The following ERBB4 variants were observed in gnomAD, a reference collection of about 807,000 sequenced individuals.
ERBB4 encodes receptor tyrosine-protein kinase erbB-4.
Under a neutral mutation model 158.0 loss-of-function variants are expected in ERBB4, and 42 were observed. The ratio of observed to expected loss-of-function variants is 0.27; its 90% CI spans 0.21 to 0.34. The LOEUF is 0.34. Ranked by LOEUF, ERBB4 falls within the 10% of genes least tolerant of loss-of-function variation. ERBB4 has a pLI of 1.00. For missense variants in ERBB4, 1,333 were observed against 1,624.1 expected (o/e 0.82, Z 3.08); for synonymous variants, 583 against 558.7 (o/e 1.04, Z -0.61).
chr2:212,460,900 G>A (rs148367107), intron 1 of ERBB4, among the ~76,000 whole-genome samples: 1,746 of 152,274 alleles, frequency 0.011, 34 homozygotes, highest in African/African-American at 0.04. Context: ...AGGCCCAGAG[G>A]CCTAAGAGGA....
intron 1 of ERBB4, among the ~76,000 whole-genome samples, chr2:212,258,104 T>G (rs1050432421): frequency 6.6e-6 from 1 of 152,142 alleles, no homozygotes; most frequent in Non-Finnish European, 1.5e-5. Flanking sequence ...AATGTCAGTT[T>G]CAACATAATT....
intron 17 of ERBB4, among the ~76,000 whole-genome samples, chr2:211,626,426 TC>T (rs1276178104): frequency 6.6e-6 from 1 of 152,180 alleles, no homozygotes; most frequent in African/African-American, 2.4e-5. Context: ...CAACAAATGT[TC>T]ACTTCTGAGG....
At chr2:212,483,628 A>G (rs1446227042) in intron 1 of ERBB4, among the ~76,000 whole-genome samples, 3 of 152,224 alleles carry the variant, frequency 2.0e-5, no homozygotes, top group Non-Finnish European at 2.9e-5. Flanking sequence ...TCTAAAGAGA[A>G]TATCTTGATT....
At chr2:212,490,334 C>G (rs1188734910) in intron 1 of ERBB4, among the ~76,000 whole-genome samples, 2 of 151,820 alleles carry the variant, frequency 1.3e-5, no homozygotes, top group Non-Finnish European at 3.0e-5. Context: ...GATCAAATAA[C>G]TGTTTGACAG....
chr2:211,944,434 T>C (rs982930672), intron 3 of ERBB4, among the ~76,000 whole-genome samples: 3 of 151,788 alleles, frequency 2.0e-5, no homozygotes, highest in Non-Finnish European at 4.4e-5. Flanking sequence ...AAAATGATTA[T>C]AGAAAAACTT....
intron 4 of ERBB4, among the ~76,000 whole-genome samples, chr2:211,752,876 G>A (rs2075175214): frequency 6.6e-6 from 1 of 151,946 alleles, no homozygotes; most frequent in South Asian, 2.1e-4. Context: ...AGATTTTGTT[G>A]GTAGTTTCCA....
intron 1 of ERBB4, among the ~76,000 whole-genome samples, chr2:212,265,492 AGAGT>A (rs2085100199): frequency 6.6e-6 from 1 of 152,098 alleles, no homozygotes; most frequent in African/African-American, 2.4e-5. Context: ...ACTGCCAGAT[AGAGT>A]AAGAGAGAAG....
At chr2:212,258,529 G>A (rs1521635) in intron 1 of ERBB4, among the ~76,000 whole-genome samples, 7,731 of 150,296 alleles carry the variant, frequency 0.051, 247 homozygotes, top group African/African-American at 0.096. Context: ...AAAATATATT[G>A]GTAATAAAAG....
chr2:211,576,189 T>A lies in ERBB4; in HGVS notation c.2302-14101A>T, dbSNP rs185684677. ...AAACCCTGAAAGAAAATATATGGTGTCACAAAAGACTCTTACTGCTAGTGC... is the reference window on the plus strand; with the variant it reads ...AAACCCTGAAAGAAAATATATGGTGACACAAAAGACTCTTACTGCTAGTGC... On this transcript the variant is annotated intron_variant, in intron 19 of 27. Coordinates refer to ENST00000342788, the MANE Select transcript of ERBB4 (RefSeq NM_005235.3). Among the ~76,000 whole-genome samples, 23 of 152,238 alleles carry A rather than the reference T, an allele frequency of 1.5e-4. No individual in the cohort carries two copies. The East Asian group carries it at 4.4e-3, about 29-fold the overall frequency.
chr2:212,357,414 G>A (rs963398022), intron 1 of ERBB4, among the ~76,000 whole-genome samples: 2 of 151,730 alleles, frequency 1.3e-5, no homozygotes, highest in Non-Finnish European at 2.9e-5. Flanking sequence ...AAATAGATTC[G>A]AAGTATAAGC....
At chr2:211,995,694 G>A (rs1249637415) in intron 2 of ERBB4, among the ~76,000 whole-genome samples, 1 of 152,002 alleles carries the variant, frequency 6.6e-6, no homozygotes, top group Non-Finnish European at 1.5e-5. Flanking sequence ...TGTATCTCAG[G>A]TACAACATCT....
intron 5 of ERBB4, among the ~76,000 whole-genome samples, chr2:211,748,912 G>A (rs948109498): frequency 2.6e-5 from 4 of 152,176 alleles, no homozygotes; most frequent in Non-Finnish European, 5.9e-5. Context: ...TGTCAGACCA[G>A]CACTGGGATG....
intron 2 of ERBB4, among the ~76,000 whole-genome samples, chr2:212,003,084 A>AG (rs2076144797): frequency 2.2e-5 from 3 of 137,194 alleles, no homozygotes; most frequent in Admixed American, 8.0e-5. Context: ...AGAGAGAGAG[A>AG]AAGAGAGACA....
At chr2:211,431,133 G>A (rs2125430983) in intron 20 of ERBB4, 33 bp from the exon 21 acceptor site, 1 of 1,600,264 alleles carries the variant, frequency 6.2e-7, no homozygotes, top group Non-Finnish European at 8.5e-7. Context: ...ATGATATTCA[G>A]TTAATGCCCA....
chr2:211,988,972 C>A (rs1052246715), intron 2 of ERBB4, among the ~76,000 whole-genome samples: 1 of 151,988 alleles, frequency 6.6e-6, no homozygotes, highest in Non-Finnish European at 1.5e-5. Context: ...AACAGCATTT[C>A]TCTTCTTTAA....
intron 1 of ERBB4, among the ~76,000 whole-genome samples, chr2:212,140,899 A>G (rs2080443478): frequency 6.9e-6 from 1 of 145,456 alleles, no homozygotes; most frequent in Non-Finnish European, 1.5e-5. Flanking sequence ...AGAGGGGAGT[A>G]TTTAAGTTAA....
chr2:211,487,754 T>G (rs2065241895), intron 20 of ERBB4, among the ~76,000 whole-genome samples: 1 of 152,066 alleles, frequency 6.6e-6, no homozygotes, highest in Non-Finnish European at 1.5e-5. Flanking sequence ...AAGAGAATAT[T>G]ATGCTATTAC....
chr2:212,160,694 G>A (rs1308792265), intron 1 of ERBB4, among the ~76,000 whole-genome samples: 13 of 151,886 alleles, frequency 8.6e-5, no homozygotes, highest in East Asian at 1.9e-4. Flanking sequence ...AGGTCTTAGC[G>A]CTTTTCTTTT....
intron 3 of ERBB4, among the ~76,000 whole-genome samples, chr2:211,827,995 A>G (rs1249096740): frequency 1.3e-5 from 2 of 152,176 alleles, no homozygotes; most frequent in Non-Finnish European, 2.9e-5. Context: ...TAGCAGAGCT[A>G]TGCTAGAATT....
Sources: allele counts gnomAD v4.1 joint callset (sites outside exome capture counted in the v4.1 genomes callset), GRCh38; gene constraint gnomAD v4.1.1; transcripts MANE v1.5; gene names NCBI Gene and HGNC (gene_info 2026-07-23, HGNC 2026-07-21).